The following TASP1 variants were observed in gnomAD, a reference collection of about 807,000 sequenced individuals.
The protein encoded by TASP1 is taspase 1.
Under a neutral mutation model 56.6 loss-of-function variants are expected in TASP1, and 16 were observed. The ratio of observed to expected loss-of-function variants is 0.28; its 90% confidence interval spans 0.19 to 0.43. The LOEUF (loss-of-function observed/expected upper bound fraction) is 0.43, where lower values mean the gene tolerates loss of function less well. Ranked by LOEUF, TASP1 falls within the 20% of genes least tolerant of loss-of-function variation. TASP1 has a pLI of 1.00. For missense variants in TASP1, 393 were observed against 511.6 expected (o/e 0.77, Z 2.24); for synonymous variants, 179 against 184.2 (o/e 0.97, Z 0.23).
chr20:13,627,566 C>T (rs1170381910), intron 2 of TASP1, among the ~76,000 whole-genome samples: 1 of 151,974 alleles, frequency 6.6e-6, no homozygotes, highest in African/African-American at 2.4e-5. Context: ...GCCTGGCCAA[C>T]ATGGTGAAAC....
chr20:13,575,589 C>T (rs1601307936), intron 6 of TASP1, among the ~76,000 whole-genome samples: 2 of 152,116 alleles, frequency 1.3e-5, no homozygotes, highest in South Asian at 4.1e-4. Flanking sequence ...CATTAAACCT[C>T]TTTTTTTAAT....
chr20:13,488,365 A>T (rs1281559871), intron 10 of TASP1, among the ~76,000 whole-genome samples: 1 of 152,142 alleles, frequency 6.6e-6, no homozygotes, highest in East Asian at 1.9e-4. Flanking sequence ...ACTGATAACT[A>T]AATATCTCCA....
chr20:13,273,819 C>G, the TASP1 span, among the ~76,000 whole-genome samples: 1 of 152,314 alleles, frequency 6.6e-6, no homozygotes, highest in South Asian at 2.1e-4. Context: ...TATTCTATTT[C>G]TGCTCTATAC....
intron 4 of TASP1, among the ~76,000 whole-genome samples, chr20:13,588,317 AAAGG>A (rs147823593): frequency 0.17 from 18,910 of 113,672 alleles, 2,024 homozygotes; most frequent in African/African-American, 0.31. Context: ...AAGAGAAAGA[AAAGG>A]AAGGAAGGAA....
At chr20:13,543,541 G>A (rs1244889960) in intron 8 of TASP1, among the ~76,000 whole-genome samples, 1 of 152,110 alleles carries the variant, frequency 6.6e-6, no homozygotes, top group Admixed American at 6.5e-5. Context: ...GTGGAGGCTA[G>A]AGTGAGCCGA....
intron 12 of TASP1, among the ~76,000 whole-genome samples, chr20:13,433,113 C>T (rs1295126541): frequency 6.6e-6 from 1 of 152,126 alleles, no homozygotes; most frequent in Non-Finnish European, 1.5e-5. Flanking sequence ...TCTCCTAATG[C>T]TATCCGTCAC....
intron 11 of TASP1, among the ~76,000 whole-genome samples, chr20:13,452,261 C>T (rs1187778798): frequency 1.3e-5 from 2 of 151,868 alleles, no homozygotes; most frequent in East Asian, 1.9e-4. Context: ...TGCAGAGTTG[C>T]CATAGATCTT....
At chr20:13,463,534 A>G (rs190956406) in intron 11 of TASP1, among the ~76,000 whole-genome samples, 1 of 152,300 alleles carries the variant, frequency 6.6e-6, no homozygotes, top group East Asian at 1.9e-4. Context: ...ATCAAAATTA[A>G]AATTAAAAAG....
the TASP1 span, among the ~76,000 whole-genome samples, chr20:13,357,912 C>A: frequency 6.6e-6 from 1 of 152,230 alleles, no homozygotes; most frequent in African/African-American, 2.4e-5. Context: ...CAAGCCATCG[C>A]ATCCCCTGTG....
the TASP1 span, chr20:13,164,721 A>C: frequency 6.4e-7 from 1 of 1,562,218 alleles, no homozygotes; most frequent in Non-Finnish European, 8.8e-7. Context: ...TTAGGTGTTC[A>C]ATGATAGCTA....
intron 10 of TASP1, among the ~76,000 whole-genome samples, chr20:13,492,205 A>T (rs1004179661): frequency 6.6e-6 from 1 of 152,202 alleles, no homozygotes; most frequent in Admixed American, 6.5e-5. Context: ...TATTTATGTC[A>T]TCTTATAAAT....
the TASP1 span, among the ~76,000 whole-genome samples, chr20:13,329,412 A>C: frequency 1.1e-3 from 165 of 152,326 alleles, no homozygotes; most frequent in African/African-American, 3.8e-3. Context: ...AAGCCCTCAG[A>C]AGAAGTCAAC....
intron 11 of TASP1, among the ~76,000 whole-genome samples, chr20:13,448,795 A>G (rs985144943): frequency 1.3e-4 from 20 of 151,998 alleles, no homozygotes; most frequent in African/African-American, 4.6e-4. Context: ...GGCTATAATC[A>G]CCATCCATAA....
chr20:13,327,234 C>A, the TASP1 span, among the ~76,000 whole-genome samples: 1 of 151,952 alleles, frequency 6.6e-6, no homozygotes, highest in Non-Finnish European at 1.5e-5. Context: ...GAATAAAATA[C>A]CCAGGAATAG....
At chr20:13,544,644 A>G (rs541542576) in intron 8 of TASP1, among the ~76,000 whole-genome samples, 2 of 152,248 alleles carry the variant, frequency 1.3e-5, no homozygotes, top group Non-Finnish European at 2.9e-5. Context: ...TTATTAATAA[A>G]TAGCAAAGAA....
At chr20:13,175,900 T>C in the TASP1 span, among the ~76,000 whole-genome samples, 3 of 152,014 alleles carry the variant, frequency 2.0e-5, no homozygotes, top group Non-Finnish European at 2.9e-5. Flanking sequence ...ACAATAGATA[T>C]CCTCTGATAG....
At chr20:13,164,532 G>C in the TASP1 span, 1 of 576,340 alleles carries the variant, frequency 1.7e-6, no homozygotes, top group Non-Finnish European at 3.2e-6. Flanking sequence ...AACATTCATA[G>C]TATGGAGTTA....
At chr20:13,414,274 A>C (rs1055923922) in intron 13 of TASP1, among the ~76,000 whole-genome samples, 6 of 152,176 alleles carry the variant, frequency 3.9e-5, no homozygotes, top group African/African-American at 1.4e-4. Flanking sequence ...CAGGTTATAC[A>C]TTTCCAGATG....
At chr20:13,363,307 C>T in the TASP1 span, among the ~76,000 whole-genome samples, 3 of 152,098 alleles carry the variant, frequency 2.0e-5, no homozygotes, top group African/African-American at 7.2e-5. Context: ...ATGATGAAGT[C>T]ACCATAAAAT....
Sources: gnomAD v4.1 joint callset for allele counts (sites outside exome capture counted in the v4.1 genomes callset) on GRCh38, gnomAD v4.1.1 for gene constraint, MANE v1.5 for transcripts, NCBI Gene and HGNC (gene_info 2026-07-23, HGNC 2026-07-21) for gene names.